The following SNTB1 variants were observed in gnomAD, a reference collection of about 807,000 sequenced individuals.
SNTB1 encodes the protein syntrophin beta 1.
A neutral mutation model predicts 48.9 loss-of-function variants in SNTB1; 36 were observed. That is an observed-to-expected ratio of 0.74 (90% CI 0.56 to 0.97). The LOEUF (loss-of-function observed/expected upper bound fraction) is 0.97. SNTB1 is among the 50% of genes least tolerant of loss of function. The probability of loss-of-function intolerance (pLI) is 0.00; values close to 1 mark genes in which losing one functional copy is unlikely to be tolerated. For synonymous variants in SNTB1, 299 were observed against 294.6 expected (o/e 1.01, Z -0.15); for missense variants, 786 against 703.4 (o/e 1.12, Z -1.33).
At chr8:120,606,898 A>C (rs1816531622) in intron 3 of SNTB1, among the ~76,000 whole-genome samples, 1 of 152,200 alleles carries the variant, frequency 6.6e-6, no homozygotes. Flanking sequence ...AATACTCTTT[A>C]TCCCCACAAT....
At chr8:120,600,487 G>A (rs1055597147) in intron 3 of SNTB1, among the ~76,000 whole-genome samples, 7 of 152,126 alleles carry the variant, frequency 4.6e-5, no homozygotes, top group Non-Finnish European at 7.3e-5. Flanking sequence ...AGTTCTTTCC[G>A]GCTAAACCCA....
intron 1 of SNTB1, 85 bp downstream of exon 1, chr8:120,811,186 CGA>C: frequency 6.7e-7 from 1 of 1,493,534 alleles, no homozygotes. Flanking sequence ...CGCATGTGGC[CGA>C]GTGAGTGTGA....
chr8:120,607,214 T>C (rs887367463), intron 3 of SNTB1, among the ~76,000 whole-genome samples: 3 of 152,028 alleles, frequency 2.0e-5, no homozygotes, highest in Admixed American at 1.3e-4. Context: ...AAGTACAAAT[T>C]CACACAAGGA....
chr8:120,645,157 C>T (rs1817267490), intron 2 of SNTB1, among the ~76,000 whole-genome samples: 1 of 151,908 alleles, frequency 6.6e-6, no homozygotes, highest in Non-Finnish European at 1.5e-5. Context: ...TGCAGAAGCT[C>T]TTTAGTTTAA....
At chr8:120,587,322 T>C (rs1816164474) in intron 3 of SNTB1, among the ~76,000 whole-genome samples, 1 of 152,226 alleles carries the variant, frequency 6.6e-6, no homozygotes. Context: ...GTGGCAGCTT[T>C]AAGAGTTCAG....
chr8:120,758,070 C>T (rs1323214235), intron 1 of SNTB1, among the ~76,000 whole-genome samples: 3 of 152,080 alleles, frequency 2.0e-5, no homozygotes, highest in African/African-American at 7.2e-5. Flanking sequence ...ACAAGTAACA[C>T]ATATTGGGCA....
intron 1 of SNTB1, among the ~76,000 whole-genome samples, chr8:120,734,134 T>A (rs184239989): frequency 6.6e-6 from 1 of 152,276 alleles, no homozygotes; most frequent in Non-Finnish European, 1.5e-5. Context: ...CCGAAGAAGT[T>A]CCTGCCTGTC....
intron 1 of SNTB1, among the ~76,000 whole-genome samples, chr8:120,753,589 C>T (rs1476717675): frequency 6.6e-6 from 1 of 152,168 alleles, no homozygotes; most frequent in Non-Finnish European, 1.5e-5. Flanking sequence ...AGGGCAGGAA[C>T]AGAACTTCGG....
chr8:120,551,269 A>G (rs1031928213), intron 4 of SNTB1, among the ~76,000 whole-genome samples: 1 of 151,618 alleles, frequency 6.6e-6, no homozygotes, highest in African/African-American at 2.4e-5. Context: ...AAAAAAAAAA[A>G]AAAGAAATTA....
intron 2 of SNTB1, among the ~76,000 whole-genome samples, chr8:120,645,333 T>C (rs1484600357): frequency 5.3e-5 from 8 of 149,838 alleles, no homozygotes; most frequent in Non-Finnish European, 1.5e-5. Context: ...ATTGAATTGA[T>C]TTTTGTATAA....
At chr8:120,629,298 A>C (rs1816941002) in intron 3 of SNTB1, among the ~76,000 whole-genome samples, 1 of 152,214 alleles carries the variant, frequency 6.6e-6, no homozygotes, top group Non-Finnish European at 1.5e-5. Flanking sequence ...TAGGATTTGC[A>C]CTAAATGGAA....
At chr8:120,671,342 T>C (rs979800420) in intron 2 of SNTB1, among the ~76,000 whole-genome samples, 1 of 152,208 alleles carries the variant, frequency 6.6e-6, no homozygotes, top group African/African-American at 2.4e-5. Context: ...TTAGTTGAGA[T>C]GAAATCATAT....
intron 1 of SNTB1, among the ~76,000 whole-genome samples, chr8:120,773,076 A>C (rs574876350): frequency 6.6e-6 from 1 of 152,344 alleles, no homozygotes; most frequent in Non-Finnish European, 1.5e-5. Flanking sequence ...GAACTGAAAA[A>C]AAAGCCCACT....
chr8:120,686,383 T>C (rs1170104554), intron 2 of SNTB1, among the ~76,000 whole-genome samples: 1 of 152,142 alleles, frequency 6.6e-6, no homozygotes, highest in African/African-American at 2.4e-5. Context: ...CACCACAGAT[T>C]TGATGTCTGG....
intron 3 of SNTB1, among the ~76,000 whole-genome samples, chr8:120,626,657 T>A (rs182128523): frequency 6.6e-5 from 10 of 152,258 alleles, no homozygotes; most frequent in African/African-American, 2.4e-4. Context: ...TCATCATCCT[T>A]TCTAAGTTTG....
At chr8:120,761,676 G>A (rs1018007724) in intron 1 of SNTB1, among the ~76,000 whole-genome samples, 2 of 152,106 alleles carry the variant, frequency 1.3e-5, no homozygotes, top group South Asian at 2.1e-4. Flanking sequence ...GATCTCTTCC[G>A]CACCTTGACC....
intron 1 of SNTB1, among the ~76,000 whole-genome samples, chr8:120,749,367 T>C (rs1032433227): frequency 2.0e-5 from 3 of 152,200 alleles, no homozygotes; most frequent in African/African-American, 7.2e-5. Flanking sequence ...TCTTAAATTA[T>C]TCCTTTCACT....
At chr8:120,658,527 AT>A (rs1002829103) in intron 2 of SNTB1, among the ~76,000 whole-genome samples, 1 of 152,194 alleles carries the variant, frequency 6.6e-6, no homozygotes, top group East Asian at 1.9e-4. Flanking sequence ...AGTCTCAGGA[AT>A]TTTTTTGGTT....
At chr8:120,749,232 G>A (rs909592438) in intron 1 of SNTB1, among the ~76,000 whole-genome samples, 21 of 152,068 alleles carry the variant, frequency 1.4e-4, no homozygotes, top group Non-Finnish European at 1.9e-4. Flanking sequence ...CCAAAGACCC[G>A]TTTTCTCCAA....
Sources: allele counts gnomAD v4.1 joint callset (sites outside exome capture counted in the v4.1 genomes callset), GRCh38; gene constraint gnomAD v4.1.1; transcripts MANE v1.5; gene names NCBI Gene and HGNC (gene_info 2026-07-23, HGNC 2026-07-21).